Variants in EFHB observed in about 807,000 individuals in gnomAD.
EFHB encodes the protein EF-hand domain-containing family member B.
A neutral mutation model predicts 87.2 loss-of-function variants in EFHB; 91 were observed. That is an observed-to-expected ratio of 1.04 (90% CI 0.88 to 1.24). The LOEUF is 1.24. EFHB is among the 50% of genes most tolerant of loss of function. The pLI is 0.00. For missense variants in EFHB, 1,084 were observed against 998.8 expected (o/e 1.09, Z -1.15); for synonymous variants, 325 against 333.6 (o/e 0.97, Z 0.28).
intron 1 of EFHB, chr3:19,942,273 A>G (rs1696177107): frequency 6.5e-6 from 1 of 152,910 alleles, no homozygotes; most frequent in Non-Finnish European, 1.5e-5. Flanking sequence ...TAGCTCATTG[A>G]TAATTCTCAG....
At chr3:19,908,464 C>T (rs534845881) in intron 5 of EFHB, among the ~76,000 whole-genome samples, 41 of 151,362 alleles carry the variant, frequency 2.7e-4, no homozygotes, top group African/African-American at 9.7e-4. Flanking sequence ...ACCCAGGAGG[C>T]AGAGGTTGCA....
At chr3:19,914,098 C>A (rs1403149839) in intron 5 of EFHB, among the ~76,000 whole-genome samples, 1 of 152,162 alleles carries the variant, frequency 6.6e-6, no homozygotes, top group African/African-American at 2.4e-5. Context: ...CACGCACCAC[C>A]ATGCCTGACT....
chr3:19,896,889 T>C (rs993412333), intron 8 of EFHB, 48 bp from the exon 9 acceptor site: 1 of 1,469,256 alleles, frequency 6.8e-7, no homozygotes, highest in Non-Finnish European at 9.1e-7. Flanking sequence ...AGTCTTTCTA[T>C]ATTATTTCTA....
rs1422317183 is a variant in EFHB at position 19,882,745 on chromosome 3, G to A, written c.2147-14C>T. On this transcript the variant is annotated splice_polypyrimidine_tract_variant and intron_variant, in intron 11 of 12. Transcript: ENST00000295824. ...AAATGGGGTAACCTAGGTCATTGATGAGGGAAGAAAACAGACATTCTAAAA... is the reference window on the plus strand; with the variant it reads ...AAATGGGGTAACCTAGGTCATTGATAAGGGAAGAAAACAGACATTCTAAAA... 8 of 1,606,060 alleles carry A rather than the reference G, an allele frequency of 5.0e-6. No homozygotes were observed. The South Asian group carries it at 7.8e-5, about 16-fold the overall frequency.
At chr3:19,882,775 G>T in intron 11 of EFHB, 44 bp from the exon 12 acceptor site, 2 of 1,567,518 alleles carry the variant, frequency 1.3e-6, no homozygotes, top group Non-Finnish European at 1.7e-6. Flanking sequence ...CTAAAACAAA[G>T]CTGTGTAACA....
intron 4 of EFHB, 26 bp from the exon 5 acceptor site, chr3:19,915,439 T>A: frequency 6.7e-7 from 1 of 1,499,952 alleles, no homozygotes; most frequent in East Asian, 2.3e-5. Flanking sequence ...ATAAAATCAG[T>A]TCCAAGTCAC....
intron 6 of EFHB, 146 bp downstream of exon 6, chr3:19,905,474 T>A (rs1694809794): frequency 1.1e-6 from 1 of 900,344 alleles, no homozygotes; most frequent in Non-Finnish European, 1.7e-6. Context: ...TGAAATACAT[T>A]ACACTGTTTT....
chr3:19,907,599 T>C (rs1486738836), intron 5 of EFHB, among the ~76,000 whole-genome samples: 1 of 152,206 alleles, frequency 6.6e-6, no homozygotes, highest in Non-Finnish European at 1.5e-5. Flanking sequence ...TTCATTTACC[T>C]CATATTAGAA....
Position 19,918,318 on chromosome 3 carries a change from G to T in EFHB, c.1091C>A (p.Pro364Gln), listed in dbSNP as rs1559465885. Reference sequence around the variant, plus strand: ...TGCTTGATCGTGAGATTTTCCTAATGGTGCTCGTCGATTGCTAAGATATAT... The same window carrying T: ...TGCTTGATCGTGAGATTTTCCTAATTGTGCTCGTCGATTGCTAAGATATAT... ...ESIYLSNRRAPLGKSHDQAPG... is the reference protein window; with the variant it reads ...ESIYLSNRRAQLGKSHDQAPG... Residue 364 changes from proline (P) to glutamine (Q), a missense_variant, in exon 4 of 13, where the codon CCA becomes CAA. Coordinates refer to ENST00000295824, the MANE Select transcript of EFHB (RefSeq NM_144715.4). 1 of 1,612,902 alleles carries T rather than the reference G, an allele frequency of 6.2e-7. No homozygotes were observed. Among genetic ancestry groups the T allele is most frequent in the Admixed American group, 1.7e-5 (1 of 59,926 alleles).
upstream of EFHB, chr3:19,934,279 TC>T (rs1392924806): frequency 1.7e-5 from 23 of 1,365,748 alleles, no homozygotes; most frequent in Non-Finnish European, 2.1e-5. Flanking sequence ...CTTGGACAGA[TC>T]CCTGCCCATC....
chr3:19,926,611 C>T (rs1032818889), intron 1 of EFHB, among the ~76,000 whole-genome samples: 2 of 151,998 alleles, frequency 1.3e-5, no homozygotes, highest in South Asian at 4.1e-4. Context: ...GATCCCGTCT[C>T]GGCCTCCCAA....
In EFHB at chr3:19,897,263, A is replaced by G. The variant is rs114810722; in HGVS notation, c.1571-422T>C. Among the ~76,000 whole-genome samples, 662 of 152,336 alleles carry G rather than the reference A, an allele frequency of 4.3e-3. 4 individuals are homozygous for G. The highest frequency in any genetic ancestry group is 0.015 in the African/African-American group (612 of 41,562). ...CTGACTAAACTGGGAGAGCCTTGTA[A>G]AAATTAAATTATCTACCCTCTCCTA... On this transcript the variant is annotated intron_variant, in intron 8 of 12. Coordinates refer to ENST00000295824, the MANE Select transcript of EFHB (RefSeq NM_144715.4).
Position 19,896,748 on chromosome 3 carries a change from A to G in EFHB, c.1664T>C (p.Leu555Pro). 1 of 1,614,036 alleles carries G rather than the reference A, an allele frequency of 6.2e-7. No individual in the cohort carries two copies. Among genetic ancestry groups the G allele is most frequent in the Non-Finnish European group, 8.5e-7 (1 of 1,179,892 alleles). The part of the protein sequence containing the change: ...RALIAAVRHH[L>P]KKVNYQKFDT... ...AAACTTTTGGTAATTAACTTTCTTC[A>G]GGTGATGCCGAACTGCTGCAATCAG... Residue 555 changes from leucine (L) to proline (P), a missense_variant, in exon 9 of 13, where the codon CTG becomes CCG. Transcript: ENST00000295824.
chr3:19,892,473 T>C (rs1181106701), intron 9 of EFHB, among the ~76,000 whole-genome samples: 3 of 152,160 alleles, frequency 2.0e-5, no homozygotes, highest in Admixed American at 1.3e-4. Flanking sequence ...ATTTTGAAAA[T>C]TGGTGTTACT....
chr3:19,900,589 C>T (rs867128647), intron 6 of EFHB, among the ~76,000 whole-genome samples: 2 of 152,146 alleles, frequency 1.3e-5, no homozygotes, highest in African/African-American at 4.8e-5. Flanking sequence ...CTTTTATCCA[C>T]ATCTGGGAAC....
At chr3:19,917,118 C>T (rs1695258914) in intron 4 of EFHB, among the ~76,000 whole-genome samples, 1 of 151,870 alleles carries the variant, frequency 6.6e-6, no homozygotes, top group Non-Finnish European at 1.5e-5. Flanking sequence ...CACCTGTAAT[C>T]CCAGCAGTCT....
chr3:19,901,810 C>A (rs1694681047), intron 6 of EFHB, among the ~76,000 whole-genome samples: 2 of 151,968 alleles, frequency 1.3e-5, no homozygotes, highest in Admixed American at 1.3e-4. Flanking sequence ...ATTAGCCAGG[C>A]CTGGTGATGG....
chr3:19,931,239 C>G (rs1165470792), intron 1 of EFHB, among the ~76,000 whole-genome samples: 1 of 152,212 alleles, frequency 6.6e-6, no homozygotes, highest in Admixed American at 6.5e-5. Context: ...TGCCACTGCA[C>G]AAGGCCTATC....
At chr3:19,887,824 T>A (rs892342878) in intron 10 of EFHB, among the ~76,000 whole-genome samples, 3 of 152,248 alleles carry the variant, frequency 2.0e-5, no homozygotes, top group African/African-American at 7.2e-5. Flanking sequence ...ACAAAATTTT[T>A]AAAATCTAAT....
Sources: gnomAD v4.1 joint callset for allele counts (sites outside exome capture counted in the v4.1 genomes callset) on GRCh38, gnomAD v4.1.1 for gene constraint, MANE v1.5 for transcripts, NCBI Gene and HGNC (gene_info 2026-07-23, HGNC 2026-07-21) for gene names.